Variants in KCNIP4 observed in about 807,000 individuals in gnomAD.
The protein encoded by KCNIP4 is Kv channel-interacting protein 4.
Under a neutral mutation model 34.0 loss-of-function variants are expected in KCNIP4, and 12 were observed. The ratio of observed to expected loss-of-function variants is 0.35; its 90% CI spans 0.23 to 0.57. The LOEUF is 0.57. Among genes scored for constraint, KCNIP4 ranks in the 20% least tolerant of loss-of-function variants. The probability of loss-of-function intolerance (pLI) is 0.83; values close to 1 mark genes in which losing one functional copy is unlikely to be tolerated. For synonymous variants in KCNIP4, 124 were observed against 102.2 expected (o/e 1.21, Z -1.29); for missense variants, 238 against 311.7 (o/e 0.76, Z 1.78).
chr4:21,892,550 T>A (rs1352972649), intron 1 of KCNIP4, among the ~76,000 whole-genome samples: 79 of 126,322 alleles, frequency 6.3e-4, no homozygotes, highest in Middle Eastern at 4.3e-3. Context: ...AGCAAAAAAG[T>A]AAAAAAAAAA....
chr4:21,891,608 G>T (rs535224605), intron 1 of KCNIP4, among the ~76,000 whole-genome samples: 7 of 151,932 alleles, frequency 4.6e-5, no homozygotes, highest in South Asian at 4.2e-4. Context: ...AAGTGCACAG[G>T]GTCTAACAAT....
chr4:21,611,182 T>C (rs2109146186), intron 1 of KCNIP4, among the ~76,000 whole-genome samples: 1 of 152,276 alleles, frequency 6.6e-6, no homozygotes, highest in East Asian at 1.9e-4. Flanking sequence ...TATTCCATGG[T>C]GTATATGTGT....
chr4:21,157,075 C>T (rs1270544793), intron 1 of KCNIP4, among the ~76,000 whole-genome samples: 3 of 152,068 alleles, frequency 2.0e-5, no homozygotes, highest in Non-Finnish European at 4.4e-5. Context: ...CCTCTTCGGC[C>T]TTGAGTAAGA....
intron 1 of KCNIP4, among the ~76,000 whole-genome samples, chr4:20,914,024 G>T (rs1187850936): frequency 6.6e-6 from 1 of 152,098 alleles, no homozygotes; most frequent in Non-Finnish European, 1.5e-5. Context: ...AGGTGTGGTG[G>T]TGGGTGCCTG....
At chr4:21,671,666 T>C (rs559616437) in intron 1 of KCNIP4, among the ~76,000 whole-genome samples, 3 of 152,296 alleles carry the variant, frequency 2.0e-5, no homozygotes, top group Admixed American at 6.5e-5. Context: ...GGAGCCCCTA[T>C]TCTGAGAACA....
At chr4:21,401,450 G>A (rs938129693) in intron 1 of KCNIP4, among the ~76,000 whole-genome samples, 5 of 152,108 alleles carry the variant, frequency 3.3e-5, no homozygotes, top group African/African-American at 1.2e-4. Context: ...GTCTTTTTCT[G>A]GGGCAGACCT....
chr4:21,522,891 G>T (rs1410342111), intron 1 of KCNIP4, among the ~76,000 whole-genome samples: 1 of 151,960 alleles, frequency 6.6e-6, no homozygotes, highest in Non-Finnish European at 1.5e-5. Flanking sequence ...TTTTATTCCT[G>T]TTGCTAAGGT....
chr4:21,015,656 GTATTAATATAATATAATATAGTATA>G (rs1470073027), intron 1 of KCNIP4, among the ~76,000 whole-genome samples: 20,446 of 115,352 alleles, frequency 0.18, 1,327 homozygotes, highest in South Asian at 0.23. Context: ...ATAGTATATT[GTATTAATATAATATAATATAGTATA>G]TTGCATTAAT....
intron 1 of KCNIP4, among the ~76,000 whole-genome samples, chr4:21,907,650 A>T (rs1157152463): frequency 6.6e-6 from 1 of 152,142 alleles, no homozygotes; most frequent in Admixed American, 6.5e-5. Context: ...AATTCAATAA[A>T]TTACACTGCA....
chr4:21,623,251 T>C (rs1745103963), intron 1 of KCNIP4, among the ~76,000 whole-genome samples: 1 of 152,196 alleles, frequency 6.6e-6, no homozygotes, highest in Admixed American at 6.5e-5. Context: ...CTGAGTCAAA[T>C]CTTATTACTA....
chr4:20,805,734 G>A, intron 3 of KCNIP4, among the ~76,000 whole-genome samples: 1 of 151,988 alleles, frequency 6.6e-6, no homozygotes, highest in Non-Finnish European at 1.5e-5. Context: ...TGTCTTTAAT[G>A]GTTCTCATTC....
intron 1 of KCNIP4, among the ~76,000 whole-genome samples, chr4:21,489,695 T>G (rs1486406992): frequency 6.6e-6 from 1 of 152,078 alleles, no homozygotes; most frequent in Non-Finnish European, 1.5e-5. Context: ...TGGAAATTGC[T>G]TTAGTGATAC....
At chr4:21,647,899 T>C (rs925679463) in intron 1 of KCNIP4, among the ~76,000 whole-genome samples, 60 of 132,726 alleles carry the variant, frequency 4.5e-4, no homozygotes, top group Admixed American at 1.4e-3. Context: ...TTTTAGACAG[T>C]GTCTCACTCT....
At chr4:20,743,484 A>G (rs1751668810) in intron 5 of KCNIP4, among the ~76,000 whole-genome samples, 1 of 152,192 alleles carries the variant, frequency 6.6e-6, no homozygotes. Flanking sequence ...CAACCATCTG[A>G]TCTTTGACAA....
Position 20,799,341 on chromosome 4 carries a change from G to A in KCNIP4, c.289-40451C>T, listed in dbSNP as rs77397425. On this transcript the variant is annotated intron_variant, in intron 3 of 8. Transcript: ENST00000382152. Reference sequence around the variant, plus strand: ...CTAATAACTCTGGCATACCAGACTAGTTGTTTGCCCCAGCATCACAGCTGA... The same window carrying A: ...CTAATAACTCTGGCATACCAGACTAATTGTTTGCCCCAGCATCACAGCTGA... 8.7e-3 allele frequency among the ~76,000 whole-genome samples: 1,329 copies of A among 152,270 alleles called. 18 individuals carry two copies. Among genetic ancestry groups the A allele is most frequent in the African/African-American group, 0.03 (1,256 of 41,536 alleles).
intron 1 of KCNIP4, among the ~76,000 whole-genome samples, chr4:21,589,185 T>TGTACAC (rs1560540193): frequency 1.3e-5 from 1 of 75,364 alleles, no homozygotes; most frequent in African/African-American, 5.3e-5. Flanking sequence ...TATATATATA[T>TGTACAC]ATATATATAT....
intron 1 of KCNIP4, among the ~76,000 whole-genome samples, chr4:21,856,889 C>A (rs771593751): frequency 1.3e-5 from 2 of 152,182 alleles, no homozygotes; most frequent in African/African-American, 2.4e-5. Context: ...GCAGCACTGA[C>A]ACACCAGCCC....
intron 1 of KCNIP4, among the ~76,000 whole-genome samples, chr4:21,619,597 TG>T (rs889286387): frequency 7.9e-5 from 12 of 152,344 alleles, no homozygotes; most frequent in South Asian, 2.1e-4. Context: ...CCAGGTAACC[TG>T]TTCCTGAAAT....
chr4:21,942,685 G>C (rs1225416675), intron 1 of KCNIP4, among the ~76,000 whole-genome samples: 1 of 152,212 alleles, frequency 6.6e-6, no homozygotes, highest in East Asian at 1.9e-4. Flanking sequence ...TTGGTCTTTG[G>C]TGGGTCTACC....
Sources: allele counts gnomAD v4.1 joint callset (sites outside exome capture counted in the v4.1 genomes callset), GRCh38; gene constraint gnomAD v4.1.1; transcripts MANE v1.5; gene names NCBI Gene and HGNC (gene_info 2026-07-23, HGNC 2026-07-21).